The following TCF7 variants were observed in gnomAD, a reference collection of about 807,000 sequenced individuals.
TCF7 encodes T-cell-factor-7.
TCF7 carries 19 observed loss-of-function variants against 46.8 expected under a neutral mutation model. The ratio of observed to expected loss-of-function variants is 0.41; its 90% CI spans 0.28 to 0.60. The LOEUF is 0.60. Among genes scored for constraint, TCF7 ranks in the 20% least tolerant of loss-of-function variants. TCF7 has a pLI of 0.35. For synonymous variants in TCF7, 245 were observed against 213.4 expected, an observed-to-expected ratio of 1.15 and a Z score of -1.29; for missense variants, 547 against 504.6, an observed-to-expected ratio of 1.08 and a Z score of -0.81.
intron 1 of TCF7, 82 bp downstream of exon 1, chr5:134,115,237 A>G: frequency 7.4e-7 from 1 of 1,349,198 alleles, no homozygotes; most frequent in Non-Finnish European, 9.7e-7. Context: ...CGGGGTCTCC[A>G]GCGCGCAGAG....
intron 9 of TCF7, chr5:134,144,268 G>A (rs1318617308): frequency 6.0e-6 from 1 of 167,118 alleles, no homozygotes; most frequent in Non-Finnish European, 1.3e-5. Flanking sequence ...ACAGAGCAGG[G>A]CAGAGTTCCT....
Position 134,142,241 on chromosome 5 carries a change from TC to T in TCF7, c.697del (p.His233ThrfsTer20). The stretch of plus-strand genomic sequence containing the variant: ...GGTGTACCTGGTCACCCAGCAGCCA[TC>T]CCCCACCCGGCCATTGTGCCCCCCT... ...GSGVPGHPAAIPHPAIVPPSG... is the reference protein window; with the variant it reads ...GSGVPGHPAAXPHPAIVPPSG... On this transcript the variant is annotated frameshift_variant, in exon 6 of 10. Transcript: ENST00000342854. LOFTEE classifies it high-confidence loss of function. The T allele has an allele frequency of 6.2e-7, 1 of 1,611,108 alleles. No individual in the cohort carries two copies. Among genetic ancestry groups the T allele is most frequent in the Non-Finnish European group, 8.5e-7 (1 of 1,177,716 alleles).
chr5:134,140,641 C>T (rs1759603458), intron 5 of TCF7: 1 of 368,094 alleles, frequency 2.7e-6, no homozygotes, highest in Admixed American at 3.5e-5. Context: ...AGAGGGAAAC[C>T]GCACAAGCTG....
upstream of TCF7, among the ~76,000 whole-genome samples, chr5:134,109,770 C>CAAAAAAAAAAAAAAAAAAA (rs59510685): frequency 1.4e-4 from 19 of 140,310 alleles, no homozygotes; most frequent in African/African-American, 4.4e-4. Flanking sequence ...GGCTCCATCT[C>CAAAAAAAAAAAAAAAAAAA]AAAAAAAAAA....
intron 5 of TCF7, 125 bp downstream of exon 5, chr5:134,139,163 G>A (rs1759352456): frequency 1.4e-6 from 2 of 1,438,272 alleles, no homozygotes; most frequent in Non-Finnish European, 1.9e-6. Flanking sequence ...TTAGATGCCA[G>A]GGGCTGGCCA....
In TCF7 at chr5:134,145,797, T is replaced by C. The variant is rs199940547; in HGVS notation, c.1076-427T>C. ...TAATGGACAAGAGTCACTGTCCATG[T>C]CTTCTTCCTCTAGCCCAGCTTGAGG... On this transcript the variant is annotated intron_variant, in intron 9 of 9. Coordinates refer to ENST00000342854, the MANE Select transcript of TCF7 (RefSeq NM_003202.5). The C allele has an allele frequency of 3.0e-4, 483 of 1,613,780 alleles. 3 individuals are homozygous for C. Among genetic ancestry groups the C allele is most frequent in the South Asian group, 1.1e-5 (1 of 91,064 alleles).
chr5:134,137,801 C>T (rs975837623), intron 3 of TCF7: 8 of 354,900 alleles, frequency 2.3e-5, no homozygotes, highest in Non-Finnish European at 4.1e-5. Flanking sequence ...GTTTTCTGGA[C>T]AGGGGAGACG....
At position 134,143,463 on chromosome 5, in the gene TCF7, C is replaced by T. The variant is rs929243010; in HGVS notation, c.1027-129C>T. ...CCTAGCAAGACCAGCAATCAAGAAACACCAGCACCCCAAGGTAGGAGGGGC... is the reference window on the plus strand; with the variant it reads ...CCTAGCAAGACCAGCAATCAAGAAATACCAGCACCCCAAGGTAGGAGGGGC... On this transcript the variant is annotated intron_variant, in intron 8 of 9. Transcript: ENST00000342854. 2.7e-6 allele frequency: 3 copies of T among 1,105,172 alleles called. No homozygotes were observed. The African/African-American group carries it at 4.6e-5, about 17-fold the overall frequency. The allele number at this position is 1,105,172 out of a possible 1,614,324, so 68.5% of individuals were successfully genotyped here.
At chr5:134,125,540 C>T (rs1027096312) in intron 3 of TCF7, among the ~76,000 whole-genome samples, 3 of 152,248 alleles carry the variant, frequency 2.0e-5, no homozygotes, top group African/African-American at 7.2e-5. Context: ...TGGCTGTACC[C>T]AAGGCAGAAT....
At chr5:134,145,746 A>T (rs1760602039) in intron 9 of TCF7, 1 of 1,613,914 alleles carries the variant, frequency 6.2e-7, no homozygotes, top group East Asian at 2.2e-5. Flanking sequence ...ATCAGAGACA[A>T]ACTGGCCCAG....
intron 3 of TCF7, chr5:134,123,638 C>T (rs926168593): frequency 1.3e-5 from 6 of 454,528 alleles, no homozygotes; most frequent in South Asian, 4.7e-5. Flanking sequence ...CCAGGGTCTA[C>T]GAAGGATGTG....
In TCF7 at chr5:134,147,891, A is replaced by C. The variant is rs11542999; in HGVS notation, c.*1588A>C. ...CTCGGGAGGCTGAGGCGGAAGAATC[A>C]CTTGAACCCGGGAGGCGGAGGTTCC... On this transcript the variant is annotated 3_prime_UTR_variant, in exon 10 of 10. Coordinates refer to ENST00000342854, the MANE Select transcript of TCF7 (RefSeq NM_003202.5). 0.1 allele frequency: 15,470 copies of C among 147,892 alleles called. 995 individuals carry two copies. The highest frequency in any genetic ancestry group is 0.17 in the African/African-American group (6,888 of 39,754). 9.2% of individuals were successfully genotyped at this position (147,892 alleles called of 1,614,324 possible).
chr5:134,146,960 T>G lies in TCF7; in HGVS notation c.*657T>G, dbSNP rs1760784695. 5.4e-6 allele frequency: 1 copy of G among 185,438 alleles called. No homozygotes were observed. The highest frequency in any genetic ancestry group is 6.2e-5 in the Admixed American group (1 of 16,066). The allele number at this position is 185,438 out of a possible 1,614,324, so 11.5% of individuals were successfully genotyped here. On this transcript the variant is annotated 3_prime_UTR_variant, in exon 10 of 10. Transcript: ENST00000342854. ...ATGAGCTGGTTTGTCAAACAACATG[T>G]GAGCATGGTCACAAGCACAAAGCTC...
intron 3 of TCF7, among the ~76,000 whole-genome samples, chr5:134,136,211 GGAAT>G (rs2149332330): frequency 1.3e-5 from 2 of 152,240 alleles, no homozygotes; most frequent in South Asian, 4.1e-4. Flanking sequence ...TACCCTGATG[GGAAT>G]GAGACAGGGT....
intron 2 of TCF7, 176 bp downstream of exon 2, chr5:134,115,563 A>C: frequency 6.9e-7 from 1 of 1,440,756 alleles, no homozygotes; most frequent in South Asian, 1.5e-5. Flanking sequence ...GGGTCGAGTC[A>C]CTTCCGGTGC....
chr5:134,139,254 C>A, intron 5 of TCF7: 1 of 655,178 alleles, frequency 1.5e-6, no homozygotes, highest in East Asian at 2.8e-5. Context: ...TGACATACTC[C>A]CTTTGGAGAG....
chr5:134,143,727 C>T (rs374863207), intron 9 of TCF7, 87 bp downstream of exon 9: 43 of 1,529,244 alleles, frequency 2.8e-5, no homozygotes, highest in Non-Finnish European at 3.3e-5. Flanking sequence ...GGGAGGAACG[C>T]GGTACCCAGC....
At chr5:134,109,770 C>CAAAAAAAAAAAAAAAAAAAAAAAAAAAA (rs59510685), upstream of TCF7, among the ~76,000 whole-genome samples, 13 of 140,276 alleles carry the variant, frequency 9.3e-5, no homozygotes, top group African/African-American at 2.5e-4. Context: ...GGCTCCATCT[C>CAAAAAAAAAAAAAAAAAAAAAAAAAAAA]AAAAAAAAAA....
intron 3 of TCF7, among the ~76,000 whole-genome samples, chr5:134,137,448 C>G (rs146606838): frequency 9.7e-6 from 1 of 103,022 alleles, no homozygotes; most frequent in East Asian, 5.6e-4. Context: ...AAAAAAAAAA[C>G]AGAGAAAAAA....
Sources: allele counts gnomAD v4.1 joint callset (sites outside exome capture counted in the v4.1 genomes callset), GRCh38; gene constraint gnomAD v4.1.1; transcripts MANE v1.5; gene names NCBI Gene and HGNC (gene_info 2026-07-23, HGNC 2026-07-21).